Variants in GRID1 observed in about 807,000 individuals in gnomAD.
GRID1 encodes glutamate ionotropic receptor delta type subunit 1.
GRID1 carries 28 observed loss-of-function variants against 98.0 expected under a neutral mutation model. The ratio of observed to expected loss-of-function variants is 0.29; its 90% CI spans 0.21 to 0.39. The LOEUF is 0.39. Among genes scored for constraint, GRID1 ranks in the 10% least tolerant of loss-of-function variants. The pLI is 1.00. For synonymous variants in GRID1, 553 were observed against 538.5 expected, an observed-to-expected ratio of 1.03 and a Z score of -0.37; for missense variants, 1,111 against 1,340.5, an observed-to-expected ratio of 0.83 and a Z score of 2.67.
rs951499248 is a variant in GRID1, at chr10:86,358,250, G to A, written c.235+5691C>T. Among the ~76,000 whole-genome samples the A allele has an allele frequency of 4.6e-5, 7 of 152,242 alleles. No homozygotes were observed. In the South Asian group the frequency reaches 6.2e-4, roughly 14 times the overall value. Reference sequence around the variant, plus strand: ...CCCAGCGAACAAAAGAGGATGCCCCGCAGTAAGCAAGAGTGCAGTCAAGCA... The same window carrying A: ...CCCAGCGAACAAAAGAGGATGCCCCACAGTAAGCAAGAGTGCAGTCAAGCA... On this transcript the variant is annotated intron_variant, in intron 2 of 15. Coordinates refer to ENST00000327946, the MANE Select transcript of GRID1 (RefSeq NM_017551.3).
chr10:86,198,403 A>C (rs1407073444), intron 3 of GRID1, among the ~76,000 whole-genome samples: 1 of 152,086 alleles, frequency 6.6e-6, no homozygotes. Flanking sequence ...CTGCTGAACA[A>C]GCCAGGACTG....
intron 13 of GRID1, among the ~76,000 whole-genome samples, chr10:85,632,517 G>A (rs1842986874): frequency 6.7e-6 from 1 of 150,304 alleles, no homozygotes; most frequent in African/African-American, 2.5e-5. Context: ...TGCTGGCGGT[G>A]TTGGAACAAG....
chr10:85,911,634 G>T (rs1262393256), intron 5 of GRID1, among the ~76,000 whole-genome samples: 1 of 152,226 alleles, frequency 6.6e-6, no homozygotes, highest in Non-Finnish European at 1.5e-5. Flanking sequence ...AACAAAGTAT[G>T]TGTGTGCTTT....
At chr10:85,771,342 C>T (rs564075975) in intron 8 of GRID1, among the ~76,000 whole-genome samples, 1 of 152,182 alleles carries the variant, frequency 6.6e-6, no homozygotes, top group Non-Finnish European at 1.5e-5. Flanking sequence ...TGGAAAGGAA[C>T]AACCGGTACC....
intron 2 of GRID1, among the ~76,000 whole-genome samples, chr10:86,301,890 G>A (rs900475622): frequency 3.3e-5 from 5 of 152,184 alleles, no homozygotes; most frequent in Admixed American, 6.5e-5. Context: ...ACACATTTCA[G>A]GTGTCTTCAT....
intron 2 of GRID1, among the ~76,000 whole-genome samples, chr10:86,338,847 C>T (rs567497002): frequency 1.2e-4 from 18 of 152,236 alleles, no homozygotes; most frequent in Admixed American, 8.5e-4. Context: ...TGTGAGCCAC[C>T]GCGCCTGGCT....
intron 2 of GRID1, among the ~76,000 whole-genome samples, chr10:86,301,167 C>T (rs1589442301): frequency 6.6e-6 from 1 of 152,162 alleles, no homozygotes; most frequent in Admixed American, 6.5e-5. Flanking sequence ...GACAATGAGG[C>T]CGGCTCACCA....
chr10:86,355,220 A>G (rs1028871566), intron 2 of GRID1, among the ~76,000 whole-genome samples: 1 of 152,226 alleles, frequency 6.6e-6, no homozygotes. Flanking sequence ...CAGAAAGCAG[A>G]GCAGGGGTGG....
At chr10:86,255,572 CT>C (rs1043148422) in intron 2 of GRID1, among the ~76,000 whole-genome samples, 2 of 152,202 alleles carry the variant, frequency 1.3e-5, no homozygotes, top group African/African-American at 4.8e-5. Flanking sequence ...TCGGGTCACC[CT>C]TTTCCTCCTG....
chr10:86,261,574 G>A (rs1847016213), intron 2 of GRID1, among the ~76,000 whole-genome samples: 1 of 152,214 alleles, frequency 6.6e-6, no homozygotes, highest in Non-Finnish European at 1.5e-5. Flanking sequence ...CAAGCCAGGG[G>A]CGTTTTCCTC....
At position 85,858,194 on chromosome 10, in the gene GRID1, G is replaced by A. The variant is rs556681326; in HGVS notation, c.952-2004C>T. Reference sequence around the variant, plus strand: ...TGACCATTGTGGGCTGTATGCCTAGGGCCTCTGCATTCTGTAGGTGTAACA... The same window carrying A: ...TGACCATTGTGGGCTGTATGCCTAGAGCCTCTGCATTCTGTAGGTGTAACA... On this transcript the variant is annotated intron_variant, in intron 6 of 15. Transcript: ENST00000327946. Among the ~76,000 whole-genome samples, 146 of 152,308 alleles carry A rather than the reference G, an allele frequency of 9.6e-4. 1 individual carries two copies. The highest frequency in any genetic ancestry group is 3.2e-3 in the African/African-American group (134 of 41,562).
intron 4 of GRID1, among the ~76,000 whole-genome samples, chr10:86,121,182 A>G (rs1247545839): frequency 6.6e-6 from 1 of 152,072 alleles, no homozygotes; most frequent in African/African-American, 2.4e-5. Flanking sequence ...TGGACCAGGA[A>G]GTCTCCTCCT....
At chr10:85,650,243 A>C (rs1454764662) in intron 12 of GRID1, 1 of 152,256 alleles carries the variant, frequency 6.6e-6, no homozygotes, top group East Asian at 1.9e-4. Context: ...ACAGATGTTG[A>C]AGTCAGATAG....
intron 12 of GRID1, among the ~76,000 whole-genome samples, chr10:85,667,177 C>T (rs1841029658): frequency 6.6e-6 from 1 of 152,062 alleles, no homozygotes; most frequent in Non-Finnish European, 1.5e-5. Flanking sequence ...AAATCTGCAC[C>T]CACATCTAGC....
chr10:86,120,834 G>A (rs970065741), intron 4 of GRID1, among the ~76,000 whole-genome samples: 1 of 152,092 alleles, frequency 6.6e-6, no homozygotes, highest in Non-Finnish European at 1.5e-5. Context: ...CTTTGTCGTG[G>A]GGGGAGTGAT....
intron 4 of GRID1, among the ~76,000 whole-genome samples, chr10:85,920,953 C>A (rs1841694673): frequency 6.6e-6 from 1 of 152,186 alleles, no homozygotes; most frequent in Admixed American, 6.5e-5. Context: ...GATGCCTGCA[C>A]CCCTCTAAAT....
chr10:86,286,640 A>G (rs2132072157), intron 2 of GRID1, among the ~76,000 whole-genome samples: 1 of 152,340 alleles, frequency 6.6e-6, no homozygotes, highest in South Asian at 2.1e-4. Context: ...TCCTGGAATC[A>G]GGTCAGATAG....
chr10:86,156,704 G>A (rs1212954598), intron 3 of GRID1, among the ~76,000 whole-genome samples: 3 of 152,224 alleles, frequency 2.0e-5, no homozygotes. Context: ...GATTAATGGT[G>A]CTATGTGGCA....
At chr10:85,682,340 T>A (rs1422899448) in intron 12 of GRID1, among the ~76,000 whole-genome samples, 1 of 152,238 alleles carries the variant, frequency 6.6e-6, no homozygotes. Flanking sequence ...ACACTTACTA[T>A]AGAGTCTAGT....
Sources: allele counts gnomAD v4.1 joint callset (sites outside exome capture counted in the v4.1 genomes callset), GRCh38; gene constraint gnomAD v4.1.1; transcripts MANE v1.5; gene names NCBI Gene and HGNC (gene_info 2026-07-23, HGNC 2026-07-21).